The following PTPRT variants were observed in gnomAD, a reference collection of about 807,000 sequenced individuals.
PTPRT encodes the protein protein tyrosine phosphatase receptor type T.
PTPRT carries 56 observed loss-of-function variants against 176.8 expected under a neutral mutation model. The ratio of observed to expected loss-of-function variants is 0.32; its 90% CI spans 0.26 to 0.40. The LOEUF (loss-of-function observed/expected upper bound fraction) is 0.40. Ranked by LOEUF, PTPRT falls within the 10% of genes least tolerant of loss-of-function variation. The pLI is 1.00. For synonymous variants in PTPRT, 783 were observed against 739.0 expected (o/e 1.06, Z -0.96); for missense variants, 1,540 against 1,908.2 (o/e 0.81, Z 3.60).
At chr20:42,305,866 A>C (rs1320011888) in intron 12 of PTPRT, among the ~76,000 whole-genome samples, 1 of 152,188 alleles carries the variant, frequency 6.6e-6, no homozygotes, top group East Asian at 1.9e-4. Flanking sequence ...AAGTTTCTCT[A>C]CTTTTTCACC....
In PTPRT at chr20:42,963,697, T is replaced by TATA. The variant is rs1982138043; in HGVS notation, c.89-77766_89-77765insTAT. On this transcript the variant is annotated intron_variant, in intron 1 of 30. Coordinates refer to ENST00000373187, the MANE Select transcript of PTPRT (RefSeq NM_007050.6). ...TAACAACTGAGAAAATGAGTAAGGC[T>TATA]TATATAAGGGTAGGTCAAACTATGC... Among the ~76,000 whole-genome samples, 3 of 152,182 alleles carry TATA rather than the reference T, an allele frequency of 2.0e-5. No individual in the cohort carries two copies. The East Asian group carries it at 5.8e-4, about 29-fold the overall frequency.
chr20:42,518,943 C>T (rs66464743), intron 7 of PTPRT, among the ~76,000 whole-genome samples: 15,081 of 152,010 alleles, frequency 0.099, 838 homozygotes, highest in East Asian at 0.15. Context: ...GATGTACATG[C>T]TGTTGTGAGA....
intron 9 of PTPRT, among the ~76,000 whole-genome samples, chr20:42,360,758 A>T (rs2058421817): frequency 6.6e-6 from 1 of 152,208 alleles, no homozygotes; most frequent in Non-Finnish European, 1.5e-5. Flanking sequence ...ATGGAGATGC[A>T]AGAAGTTAAA....
At chr20:42,851,745 G>A (rs188489223) in intron 2 of PTPRT, among the ~76,000 whole-genome samples, 31 of 152,234 alleles carry the variant, frequency 2.0e-4, no homozygotes, top group Non-Finnish European at 4.1e-4. Flanking sequence ...AACAGCAGCC[G>A]CAAGCAATAC....
At chr20:43,087,300 T>G (rs2011634502) in intron 1 of PTPRT, among the ~76,000 whole-genome samples, 1 of 151,918 alleles carries the variant, frequency 6.6e-6, no homozygotes, top group Non-Finnish European at 1.5e-5. Context: ...GAACCGAGAC[T>G]TCAAAATGGT....
At chr20:42,113,502 G>T (rs1987117693) in intron 22 of PTPRT, among the ~76,000 whole-genome samples, 1 of 152,196 alleles carries the variant, frequency 6.6e-6, no homozygotes, top group African/African-American at 2.4e-5. Flanking sequence ...GGCCCACCCT[G>T]GAGGTTACCC....
At chr20:42,059,686 C>A in the PTPRT span, among the ~76,000 whole-genome samples, 1 of 152,200 alleles carries the variant, frequency 6.6e-6, no homozygotes, top group African/African-American at 2.4e-5. Context: ...GACCACTTTA[C>A]TGCCTCTTCT....
chr20:42,118,536 A>C (rs1464000400), intron 20 of PTPRT, 36 bp from the exon 21 acceptor site: 1 of 1,559,474 alleles, frequency 6.4e-7, no homozygotes, highest in East Asian at 2.3e-5. Flanking sequence ...TAGAGAATGC[A>C]AGTGCAAAGC....
chr20:42,756,534 T>C lies in PTPRT; in HGVS notation c.787A>G (p.Ser263Gly), dbSNP rs771722189. ...GAGCGGATCACACAGCGGTACTTGC[T>C]GACGCTCCGCTGGGCAGTGTCTGCC... The part of the protein sequence containing the change: ...SVADTAQRSV[S>G]KYRCVIRSDG... The change falls in exon 6 of 31, where the codon AGC becomes GGC. Residue 263 changes from serine (S) to glycine (G), a missense_variant. Ser to Gly is a moderately conservative substitution (Grantham distance 56, BLOSUM62 0). Transcript: ENST00000373187. 1 of 1,612,862 alleles carries C rather than the reference T, an allele frequency of 6.2e-7. No homozygotes were observed. Among genetic ancestry groups the C allele is most frequent in the South Asian group, 1.1e-5 (1 of 90,954 alleles).
intron 16 of PTPRT, among the ~76,000 whole-genome samples, chr20:42,162,591 G>T (rs1989651467): frequency 6.6e-6 from 1 of 152,210 alleles, no homozygotes. Flanking sequence ...GACATGGACA[G>T]TCTATGCCCC....
chr20:42,273,084 A>C (rs1473156200), intron 13 of PTPRT, among the ~76,000 whole-genome samples: 1 of 152,106 alleles, frequency 6.6e-6, no homozygotes, highest in East Asian at 1.9e-4. Flanking sequence ...TATTGGACTT[A>C]TATTTATTCA....
intron 9 of PTPRT, among the ~76,000 whole-genome samples, chr20:42,437,236 T>A (rs182432406): frequency 1.3e-5 from 2 of 152,180 alleles, no homozygotes; most frequent in Non-Finnish European, 2.9e-5. Flanking sequence ...AGAAACAGTT[T>A]CATGAAACTA....
At chr20:42,405,977 A>G (rs926293183) in intron 9 of PTPRT, among the ~76,000 whole-genome samples, 2 of 152,196 alleles carry the variant, frequency 1.3e-5, no homozygotes, top group Non-Finnish European at 2.9e-5. Flanking sequence ...TCTTAAATAC[A>G]CAGACCCTAG....
chr20:42,404,289 G>C (rs918637985), intron 9 of PTPRT, among the ~76,000 whole-genome samples: 1 of 152,122 alleles, frequency 6.6e-6, no homozygotes, highest in Non-Finnish European at 1.5e-5. Context: ...CAGCCATCCA[G>C]ACCCTGCAGG....
At chr20:42,518,956 T>G (rs1220147845) in intron 7 of PTPRT, among the ~76,000 whole-genome samples, 2 of 152,118 alleles carry the variant, frequency 1.3e-5, no homozygotes, top group Non-Finnish European at 2.9e-5. Context: ...TTGTGAGAAA[T>G]AATATATAAA....
At chr20:42,755,788 A>G (rs1350211639) in intron 6 of PTPRT, among the ~76,000 whole-genome samples, 2 of 152,218 alleles carry the variant, frequency 1.3e-5, no homozygotes, top group African/African-American at 4.8e-5. Context: ...AATTATCGAA[A>G]TGACTGCAAA....
intron 21 of PTPRT, among the ~76,000 whole-genome samples, chr20:42,116,528 C>T (rs1303110265): frequency 6.6e-6 from 1 of 152,204 alleles, no homozygotes; most frequent in Non-Finnish European, 1.5e-5. Flanking sequence ...ACTGTGTACT[C>T]TGTCTACCAC....
intron 14 of PTPRT, among the ~76,000 whole-genome samples, chr20:42,239,070 G>A (rs1452046288): frequency 1.3e-5 from 2 of 152,160 alleles, no homozygotes; most frequent in African/African-American, 4.8e-5. Flanking sequence ...CATCTGGAAT[G>A]TATTAGGGCT....
intron 1 of PTPRT, among the ~76,000 whole-genome samples, chr20:43,002,137 T>G (rs1984606700): frequency 6.6e-6 from 1 of 151,752 alleles, no homozygotes; most frequent in Non-Finnish European, 1.5e-5. Flanking sequence ...TCCTGCTGCC[T>G]TGTGAAGAAG....
Sources: gnomAD v4.1 joint callset for allele counts (sites outside exome capture counted in the v4.1 genomes callset) on GRCh38, gnomAD v4.1.1 for gene constraint, MANE v1.5 for transcripts, NCBI Gene and HGNC (gene_info 2026-07-23, HGNC 2026-07-21) for gene names.